ASCC3: variants seen among roughly 807,000 people sequenced by gnomAD.
The protein encoded by ASCC3 is activating signal cointegrator 1 complex subunit 3.
In ASCC3, 158 loss-of-function variants were observed where a neutral mutation model predicts 256.3. The observed-to-expected ratio is 0.62, with a 90% confidence interval of 0.54 to 0.70. ASCC3 has a LOEUF of 0.70. Among genes scored for constraint, ASCC3 ranks in the 30% least tolerant of loss-of-function variants. The pLI is 0.00. For missense variants in ASCC3, 2,259 were observed against 2,626.0 expected (o/e 0.86, Z 3.05); for synonymous variants, 948 against 883.4 (o/e 1.07, Z -1.30).
intron 33 of ASCC3, among the ~76,000 whole-genome samples, chr6:100,604,106 G>A (rs777943526): frequency 2.6e-5 from 4 of 151,984 alleles, no homozygotes. Context: ...CAATTGCTTT[G>A]GATAGATGAG....
intron 34 of ASCC3, 133 bp downstream of exon 34, chr6:100,601,677 T>C (rs1772622233): frequency 2.0e-6 from 2 of 993,126 alleles, no homozygotes; most frequent in Non-Finnish European, 3.0e-6. Context: ...TCTGATTCTT[T>C]AGACAAATTC....
At chr6:100,872,881 G>A (rs1170637872) in intron 1 of ASCC3, among the ~76,000 whole-genome samples, 4 of 152,128 alleles carry the variant, frequency 2.6e-5, no homozygotes, top group Non-Finnish European at 4.4e-5. Flanking sequence ...AAAATAATCT[G>A]AACAACAGCC....
intron 36 of ASCC3, among the ~76,000 whole-genome samples, chr6:100,582,925 C>G (rs1366412051): frequency 6.6e-6 from 1 of 152,148 alleles, no homozygotes; most frequent in East Asian, 1.9e-4. Flanking sequence ...CCTTGCATCC[C>G]AGAGATGAAG....
intron 37 of ASCC3, among the ~76,000 whole-genome samples, chr6:100,528,643 GA>G (rs956668937): frequency 3.3e-5 from 5 of 150,258 alleles, no homozygotes; most frequent in East Asian, 1.9e-4. Flanking sequence ...TTCACTAAAA[GA>G]AAAAAAAATA....
intron 16 of ASCC3, among the ~76,000 whole-genome samples, chr6:100,656,935 A>AG (rs965587784): frequency 1.3e-5 from 2 of 151,122 alleles, no homozygotes; most frequent in African/African-American, 4.8e-5. Context: ...TAATTTTAGG[A>AG]GAAAAAAAAG....
At chr6:100,510,308 G>C (rs1468802334) in intron 40 of ASCC3, 18 of 604,786 alleles carry the variant, frequency 3.0e-5, no homozygotes, top group Non-Finnish European at 5.2e-5. Flanking sequence ...AAGATTCTCA[G>C]AGCATATTAT....
In ASCC3 at chr6:100,862,267, G is replaced by A. The variant is rs186029716; in HGVS notation, c.241+1797C>T. On this transcript the variant is annotated intron_variant, in intron 3 of 41. Coordinates refer to ENST00000369162, the MANE Select transcript of ASCC3 (RefSeq NM_006828.4). The stretch of plus-strand genomic sequence containing the variant: ...TCAAAGTGTGTTATATTGCCCCTAG[G>A]CTTAAGCAAACTCAATTTTTACTAA... Among the ~76,000 whole-genome samples, 33 of 152,212 alleles carry A rather than the reference G, an allele frequency of 2.2e-4. 3 individuals are homozygous for A. Among genetic ancestry groups the A allele is most frequent in the Admixed American group, 1.9e-3 (29 of 15,282 alleles).
chr6:100,725,391 A>T, intron 11 of ASCC3, 148 bp downstream of exon 11: 1 of 974,186 alleles, frequency 1.0e-6, no homozygotes, highest in East Asian at 2.7e-5. Flanking sequence ...ACTAGGGACA[A>T]CAGGTACATT....
intron 27 of ASCC3, 91 bp from the exon 28 acceptor site, chr6:100,628,078 C>CAAA (rs1433270711): frequency 5.3e-5 from 57 of 1,067,928 alleles, no homozygotes; most frequent in African/African-American, 4.7e-4. Flanking sequence ...GTAGCTTCCT[C>CAAA]AAAAAACAAA....
At chr6:100,639,258 ATTG>A (rs1305201349) in intron 24 of ASCC3, among the ~76,000 whole-genome samples, 3 of 152,204 alleles carry the variant, frequency 2.0e-5, no homozygotes, top group Admixed American at 6.5e-5. Context: ...TGAGTTAACT[ATTG>A]TTGTCAATGG....
At chr6:100,532,298 T>C (rs1774915585) in intron 37 of ASCC3, among the ~76,000 whole-genome samples, 1 of 148,566 alleles carries the variant, frequency 6.7e-6, no homozygotes, top group South Asian at 2.1e-4. Context: ...TCACTCAGAT[T>C]AGCTCAGTTT....
chr6:100,575,968 C>G (rs1192880397), intron 36 of ASCC3, among the ~76,000 whole-genome samples: 2 of 152,038 alleles, frequency 1.3e-5, no homozygotes, highest in Non-Finnish European at 2.9e-5. Flanking sequence ...GATTTCAGTG[C>G]CAACATCATT....
intron 4 of ASCC3, among the ~76,000 whole-genome samples, chr6:100,827,995 A>C (rs1582925433): frequency 6.6e-6 from 1 of 151,404 alleles, no homozygotes; most frequent in East Asian, 1.9e-4. Flanking sequence ...TAAACAACTT[A>C]AACTTTATTT....
chr6:100,642,621 A>G lies in ASCC3; in HGVS notation c.3861T>C (p.Phe1287=), dbSNP rs150474135. 425 of 1,613,968 alleles carry G rather than the reference A, an allele frequency of 2.6e-4. 2 individuals are homozygous for G. In the African/African-American group the frequency reaches 4.9e-3, roughly 19 times the overall value. The part of the protein sequence containing the change: ...LGAEAVCIIN[F]QHLILPERHP... The stretch of plus-strand genomic sequence containing the variant: ...GTCTCTCTGGTAGAATTAGATGTTG[A>G]AAGTTGATAATACATACTGCCTCAG... The change falls in exon 24 of 42, where the codon TTT becomes TTC. Residue 1287 remains phenylalanine, a synonymous_variant. Transcript: ENST00000369162.
intron 10 of ASCC3, among the ~76,000 whole-genome samples, chr6:100,726,976 A>G (rs1779658687): frequency 6.6e-6 from 1 of 152,112 alleles, no homozygotes; most frequent in African/African-American, 2.4e-5. Flanking sequence ...GATTATGCCA[A>G]ACATTTGGTG....
intron 36 of ASCC3, among the ~76,000 whole-genome samples, chr6:100,563,728 A>G (rs143233520): frequency 7.2e-5 from 11 of 152,296 alleles, no homozygotes; most frequent in Non-Finnish European, 1.0e-4. Flanking sequence ...AGGTTTTTTT[A>G]TTAGAACAGA....
At chr6:100,534,869 T>C (rs1313726014) in intron 37 of ASCC3, among the ~76,000 whole-genome samples, 1 of 152,188 alleles carries the variant, frequency 6.6e-6, no homozygotes, top group Non-Finnish European at 1.5e-5. Context: ...AGAACATGAG[T>C]AGTCAAGACT....
intron 30 of ASCC3, among the ~76,000 whole-genome samples, chr6:100,614,345 T>A (rs1773552578): frequency 1.3e-5 from 2 of 152,138 alleles, no homozygotes; most frequent in East Asian, 3.8e-4. Flanking sequence ...AAATATAAGA[T>A]CAGATTTTAC....
intron 36 of ASCC3, among the ~76,000 whole-genome samples, chr6:100,588,670 A>G (rs533948128): frequency 1.3e-5 from 2 of 152,290 alleles, no homozygotes; most frequent in South Asian, 4.1e-4. Flanking sequence ...AAAATTTTCA[A>G]ACTCACTAAA....
Sources: gnomAD v4.1 joint callset for allele counts (sites outside exome capture counted in the v4.1 genomes callset) on GRCh38, gnomAD v4.1.1 for gene constraint, MANE v1.5 for transcripts, NCBI Gene and HGNC (gene_info 2026-07-23, HGNC 2026-07-21) for gene names.